Variants in TBCK observed in about 807,000 individuals in gnomAD.
TBCK encodes the protein TBC1 domain containing kinase.
Under a neutral mutation model 113.4 loss-of-function variants are expected in TBCK, and 99 were observed. The ratio of observed to expected loss-of-function variants is 0.87; its 90% CI spans 0.74 to 1.03. The LOEUF (loss-of-function observed/expected upper bound fraction) is 1.03, where lower values mean the gene tolerates loss of function less well. TBCK is among the 50% of genes least tolerant of loss of function. The probability of loss-of-function intolerance (pLI) is 0.00; values close to 1 mark genes in which losing one functional copy is unlikely to be tolerated. For missense variants in TBCK, 1,045 were observed against 1,061.3 expected (o/e 0.98, Z 0.21); for synonymous variants, 369 against 370.8 (o/e 1.00, Z 0.05).
At chr4:106,096,884 A>C (rs1266400288) in intron 24 of TBCK, among the ~76,000 whole-genome samples, 2 of 152,210 alleles carry the variant, frequency 1.3e-5, no homozygotes, top group Admixed American at 6.5e-5. Context: ...GTATTAGAAA[A>C]TTAGAAGACC....
intron 24 of TBCK, among the ~76,000 whole-genome samples, chr4:106,099,866 CAA>C (rs1560642831): frequency 6.6e-6 from 1 of 152,148 alleles, no homozygotes; most frequent in Non-Finnish European, 1.5e-5. Flanking sequence ...AATTTAAAAG[CAA>C]AGTGTTCTGA....
chr4:106,095,429 A>G, intron 25 of TBCK, 53 bp downstream of exon 25: 1 of 1,506,404 alleles, frequency 6.6e-7, no homozygotes, highest in Non-Finnish European at 9.0e-7. Flanking sequence ...TTCATATAGA[A>G]GGCAGGTAAA....
intron 24 of TBCK, among the ~76,000 whole-genome samples, chr4:106,103,352 T>C (rs1209529907): frequency 6.6e-6 from 1 of 152,196 alleles, no homozygotes; most frequent in African/African-American, 2.4e-5. Context: ...TTTGAAGAAA[T>C]GTGTATAACA....
chr4:106,188,274 A>C (rs1190147793), intron 22 of TBCK, among the ~76,000 whole-genome samples: 1 of 152,174 alleles, frequency 6.6e-6, no homozygotes, highest in African/African-American at 2.4e-5. Flanking sequence ...TGGTCCTTAC[A>C]TTCTTATTGC....
chr4:106,226,599 T>C (rs1019651344), intron 19 of TBCK, among the ~76,000 whole-genome samples: 12 of 152,210 alleles, frequency 7.9e-5, no homozygotes, highest in African/African-American at 2.7e-4. Context: ...CTAACAGCAT[T>C]ATATTGCTGA....
Position 106,251,927 on chromosome 4 carries a change from A to G in TBCK, c.536T>C (p.Leu179Ser). ...TACATCTGATTTGGGGCCAGAAGGCAATGGTTTTTTACTTGGCATGTGATC... is the reference window on the plus strand; with the variant it reads ...TACATCTGATTTGGGGCCAGAAGGCGATGGTTTTTTACTTGGCATGTGATC... ...TTDHMPSKKP[L>S]PSGPKSDVWS... Residue 179 changes from leucine (L) to serine (S), a missense_variant, in exon 6 of 26, where the codon TTG becomes TCG. Leu to Ser is a moderately radical substitution (Grantham distance 145). Coordinates refer to ENST00000394708, the MANE Select transcript of TBCK (RefSeq NM_001163435.3). The G allele has an allele frequency of 6.2e-7, 1 of 1,611,816 alleles. No individual in the cohort carries two copies. The highest frequency in any genetic ancestry group is 8.5e-7 in the Non-Finnish European group (1 of 1,178,470).
intron 23 of TBCK, among the ~76,000 whole-genome samples, chr4:106,165,137 A>T (rs920778571): frequency 2.6e-5 from 4 of 151,804 alleles, no homozygotes; most frequent in Non-Finnish European, 4.4e-5. Context: ...AATAGATTTT[A>T]AAAAATCAAA....
At chr4:106,055,409 GAA>G in intron 25 of TBCK, among the ~76,000 whole-genome samples, 1 of 151,542 alleles carries the variant, frequency 6.6e-6, no homozygotes, top group East Asian at 1.9e-4. Flanking sequence ...TTAAAGGAAA[GAA>G]AGATAATTTA....
At chr4:106,306,236 A>ATTTTTTT (rs60417567) in intron 2 of TBCK, among the ~76,000 whole-genome samples, 4 of 97,326 alleles carry the variant, frequency 4.1e-5, no homozygotes, top group Non-Finnish European at 6.1e-5. Context: ...TGCCTGGCTA[A>ATTTTTTT]TTTTTTTTTT....
chr4:106,177,906 A>G (rs1244403123), intron 22 of TBCK, among the ~76,000 whole-genome samples: 2 of 151,960 alleles, frequency 1.3e-5, no homozygotes, highest in Admixed American at 1.3e-4. Context: ...GAACCTGTAG[A>G]TCACTTTGGG....
At chr4:106,298,585 G>C (rs1766571146) in intron 2 of TBCK, among the ~76,000 whole-genome samples, 1 of 152,030 alleles carries the variant, frequency 6.6e-6, no homozygotes, top group Admixed American at 6.6e-5. Context: ...ACTCCAGCCT[G>C]GGCAACAGAG....
chr4:106,232,228 TTTTA>T (rs1465288857), intron 17 of TBCK, among the ~76,000 whole-genome samples: 1 of 151,842 alleles, frequency 6.6e-6, no homozygotes, highest in Non-Finnish European at 1.5e-5. Context: ...ATGACATTTC[TTTTA>T]TTGATAATAA....
intron 23 of TBCK, among the ~76,000 whole-genome samples, chr4:106,146,068 C>T (rs938234216): frequency 3.3e-5 from 5 of 152,112 alleles, no homozygotes; most frequent in Admixed American, 6.6e-5. Flanking sequence ...GAATATAAAT[C>T]GTTCTACCAT....
chr4:106,095,438 A>G (rs748193366), intron 25 of TBCK, 44 bp downstream of exon 25: 2 of 1,541,858 alleles, frequency 1.3e-6, no homozygotes, highest in South Asian at 2.5e-5. Context: ...AAGGCAGGTA[A>G]ATCACTCATC....
intron 23 of TBCK, among the ~76,000 whole-genome samples, chr4:106,160,084 T>G (rs1749588906): frequency 6.6e-6 from 1 of 152,004 alleles, no homozygotes. Context: ...TGCAAAAGAA[T>G]GAAGCTGAAC....
chr4:106,219,504 T>G (rs1757418864), intron 19 of TBCK, among the ~76,000 whole-genome samples: 1 of 152,052 alleles, frequency 6.6e-6, no homozygotes, highest in Admixed American at 6.6e-5. Flanking sequence ...TGATTCTAAT[T>G]CTATTAGAAT....
intron 3 of TBCK, among the ~76,000 whole-genome samples, chr4:106,269,060 A>G (rs1487401904): frequency 6.6e-6 from 1 of 152,122 alleles, no homozygotes; most frequent in Non-Finnish European, 1.5e-5. Context: ...ATAAAACCTG[A>G]TCACTCCCAC....
chr4:106,203,568 A>G (rs1176882664), intron 20 of TBCK, among the ~76,000 whole-genome samples: 4 of 151,994 alleles, frequency 2.6e-5, no homozygotes, highest in African/African-American at 9.6e-5. Context: ...CAAATAAAAA[A>G]TAACTAACTG....
At chr4:106,183,472 GTTATCCTTATA>G (rs1316348442) in intron 22 of TBCK, among the ~76,000 whole-genome samples, 2 of 151,886 alleles carry the variant, frequency 1.3e-5, no homozygotes, top group Non-Finnish European at 2.9e-5. Context: ...ACATATCTGT[GTTATCCTTATA>G]CTATTTTCTA....
Sources: gnomAD v4.1 joint callset for allele counts (sites outside exome capture counted in the v4.1 genomes callset) on GRCh38, gnomAD v4.1.1 for gene constraint, MANE v1.5 for transcripts, NCBI Gene and HGNC (gene_info 2026-07-23, HGNC 2026-07-21) for gene names.